The following CFP variants were observed in gnomAD, a reference collection of about 807,000 sequenced individuals.
CFP encodes the protein complement factor properdin, also known as properdin.
Under a neutral mutation model 42.1 loss-of-function variants are expected in CFP, and 14 were observed. The ratio of observed to expected loss-of-function variants is 0.33; its 90% confidence interval spans 0.22 to 0.52. CFP has a LOEUF of 0.52. Among genes scored for constraint, CFP ranks in the 20% least tolerant of loss-of-function variants. The pLI, the probability that CFP is intolerant of heterozygous loss-of-function variation, is 0.96. For missense variants in CFP, 318 were observed against 400.4 expected, an observed-to-expected ratio of 0.79 and a Z score of 1.76; for synonymous variants, 149 against 160.6, an observed-to-expected ratio of 0.93 and a Z score of 0.54.
At position 47,629,551 on chromosome X, in the gene CFP, C is replaced by T. The variant is rs370592348; in HGVS notation, c.200G>A (p.Arg67His). 1.8e-5 allele frequency: 20 copies of T among 1,115,797 alleles called. No homozygotes were observed. The highest frequency in any genetic ancestry group is 1.4e-4 in the Admixed American group (5 of 37,028). 92.0% of individuals were successfully genotyped at this position (1,115,797 alleles called of 1,213,427 possible). ...CLNTAFAYQKRSGGLCQPCRS... is the reference protein window; with the variant it reads ...CLNTAFAYQKHSGGLCQPCRS... ...GCAAGGCTGACAGAGCCCACCACTA[C>T]GTTTCTGGTAGGCAAAGGCAGTGTT... The change falls in exon 2 of 9, where the codon CGT (arginine) becomes CAT (histidine). Residue 67 changes from arginine (R) to histidine (H), a missense_variant. Coordinates refer to ENST00000396992, the MANE Select transcript of CFP (RefSeq NM_001145252.3).
chrX:47,628,040 C>T (rs2057976409), intron 3 of CFP, 62 bp downstream of exon 3: 17 of 1,164,523 alleles, frequency 1.5e-5, no homozygotes, highest in South Asian at 5.5e-5. Context: ...ACCTCTGTAC[C>T]GATCGTTCCC....
chrX:47,628,312 T>C (rs1222423756), intron 2 of CFP, 35 bp from the exon 3 acceptor site: 11 of 1,178,964 alleles, frequency 9.3e-6, no homozygotes, highest in South Asian at 1.8e-5. Flanking sequence ...CATCCTGGCA[T>C]GAGCTAACAA....
intron 8 of CFP, 154 bp from the exon 9 acceptor site, chrX:47,624,594 GC>G: frequency 2.3e-6 from 1 of 435,582 alleles, no homozygotes; most frequent in Non-Finnish European, 3.5e-6. Context: ...TCACTCTGTT[GC>G]CCAGGCTGCA....
At chrX:47,628,041 G>A (rs759401485) in intron 3 of CFP, 61 bp downstream of exon 3, 26 of 1,167,059 alleles carry the variant, frequency 2.2e-5, no homozygotes, top group African/African-American at 7.1e-5. Flanking sequence ...CCTCTGTACC[G>A]ATCGTTCCCA....
At chrX:47,629,486 T>TGCCGGG in intron 2 of CFP, 38 bp downstream of exon 2, 2 of 669,641 alleles carry the variant, frequency 3.0e-6, no homozygotes, top group Non-Finnish European at 4.7e-6. Flanking sequence ...AGACAGTCCT[T>TGCCGGG]CCCTCCCCCC....
rs750018657 is a variant in CFP, at chrX:47,626,438, G to A, written c.1022C>T (p.Pro341Leu). The A allele has an allele frequency of 8.3e-7, 1 of 1,211,558 alleles. No homozygotes were observed. The highest frequency in any genetic ancestry group is 1.1e-6 in the Non-Finnish European group (1 of 895,422). ...NMKSISCQEI[P>L]GQQSRGRTCR... ...GGTCCTCCCGCGTGACTGCTGGCCC[G>A]GGATTTCTTGACAGCTGATGGACTT... The change falls in exon 7 of 9, where the codon CCG (proline) becomes CTG (leucine). Residue 341 changes from proline to leucine, a missense_variant. Coordinates refer to ENST00000396992, the MANE Select transcript of CFP (RefSeq NM_001145252.3).
rs2057957813 is a variant in CFP at position 47,623,966 on chromosome X, G to A, written c.*309C>T. ...GCTCTGCAGAGGAACGTGCCGGGCG[G>A]CCCTGAGGCTCTAAGGGGGCTGCGC... On this transcript the variant is annotated 3_prime_UTR_variant, in exon 9 of 9. Transcript: ENST00000396992. The A allele has an allele frequency of 9.6e-6, 3 of 310,996 alleles. No individual in the cohort carries two copies. Among genetic ancestry groups the A allele is most frequent in the South Asian group, 4.5e-5 (1 of 22,398 alleles). 25.6% of individuals were successfully genotyped at this position (310,996 alleles called of 1,213,427 possible). A position where few individuals can be genotyped will look rare whatever the true frequency, so the allele number is the denominator to read the frequency against.
chrX:47,623,375 A>G lies in CFP; in HGVS notation c.*900T>C, dbSNP rs1350256032. On this transcript the variant is annotated 3_prime_UTR_variant, in exon 9 of 9. Coordinates refer to ENST00000396992, the MANE Select transcript of CFP (RefSeq NM_001145252.3). Reference sequence around the variant, plus strand: ...ATGTCCAGCACTATTGTTAGTATACAGTAGGCGTTAAGTGTTGAATAGATG... The same window carrying G: ...ATGTCCAGCACTATTGTTAGTATACGGTAGGCGTTAAGTGTTGAATAGATG... 8.9e-6 allele frequency: 1 copy of G among 112,214 alleles called. No homozygotes were observed. Among genetic ancestry groups the G allele is most frequent in the Non-Finnish European group, 1.9e-5 (1 of 53,243 alleles). The allele number at this position is 112,214 out of a possible 1,213,427, so 9.2% of individuals were successfully genotyped here.
intron 2 of CFP, chrX:47,628,828 G>A (rs1044233356): frequency 4.9e-6 from 1 of 205,174 alleles, no homozygotes; most frequent in East Asian, 1.2e-4. Context: ...GGGATATATA[G>A]TAAACAAGTA....
Position 47,624,381 on chromosome X carries a change from G to A in CFP, c.1304C>T (p.Pro435Leu), listed in dbSNP as rs751266279. Residue 435 changes from proline (P) to leucine (L), a missense_variant, in exon 9 of 9, where the codon CCG becomes CTG. Physicochemically the swap from Pro to Leu is moderately conservative, Grantham distance 98. Transcript: ENST00000396992. The part of the protein sequence containing the change: ...GEKNVTFWGR[P>L]LPRCEELQGQ... ...TTGTAGCTCCTCACACCGTGGCAGCGGTCTCCCCCAGAAGGTCACGTTCTT... is the reference window on the plus strand; with the variant it reads ...TTGTAGCTCCTCACACCGTGGCAGCAGTCTCCCCCAGAAGGTCACGTTCTT... 5 of 1,207,093 alleles carry A rather than the reference G, an allele frequency of 4.1e-6. No individual in the cohort carries two copies. Among genetic ancestry groups the A allele is most frequent in the Non-Finnish European group, 5.6e-6 (5 of 894,358 alleles).
At chrX:47,629,143 G>A (rs2057980731) in intron 2 of CFP, 2 of 201,157 alleles carry the variant, frequency 9.9e-6, no homozygotes, top group Non-Finnish European at 1.8e-5. Flanking sequence ...CTTCCAGTGT[G>A]CAGGAGGTGC....
chrX:47,629,783 G>A lies in CFP; in HGVS notation c.62C>T (p.Thr21Ile). The change falls in exon 1 of 9, where the codon ACC becomes ATC. Residue 21 changes from threonine (T) to isoleucine (I), a missense_variant. Thr to Ile is a moderately conservative substitution (Grantham distance 89). Coordinates refer to ENST00000396992, the MANE Select transcript of CFP (RefSeq NM_001145252.3). ...LLLPPLLLLL[T>I]LPATGSDPVL... ...CACCCCCTCACCTGTGGCTGGCAGGGTGAGCAGCAGGAGCAGCGGCGGCAG... is the reference window on the plus strand; with the variant it reads ...CACCCCCTCACCTGTGGCTGGCAGGATGAGCAGCAGGAGCAGCGGCGGCAG... The A allele has an allele frequency of 1.7e-6, 2 of 1,169,746 alleles. No individual in the cohort carries two copies. The highest frequency in any genetic ancestry group is 2.3e-6 in the Non-Finnish European group (2 of 874,022).
intron 2 of CFP, 38 bp downstream of exon 2, chrX:47,629,486 T>TCCCCCCCCCCCCCCCCCCCCCCCCC: frequency 1.5e-6 from 1 of 669,645 alleles, no homozygotes; most frequent in Non-Finnish European, 2.3e-6. Context: ...AGACAGTCCT[T>TCCCCCCCCCCCCCCCCCCCCCCCCC]CCCTCCCCCC....
chrX:47,629,490 T>TCCCCCCCCCCCCCCCC, intron 2 of CFP, 34 bp downstream of exon 2: 1 of 375,010 alleles, frequency 2.7e-6, no homozygotes, highest in Admixed American at 4.1e-5. Context: ...AGTCCTTCCC[T>TCCCCCCCCCCCCCCCC]CCCCCCCATC....
Position 47,627,244 on chromosome X carries a change from G to A in CFP, c.663C>T (p.Ser221=), listed in dbSNP as rs367635632. ...GGPHEPKETR[S]RKCSAPEPSQ... is the part of the protein sequence containing the mutation. ...AGGGCTCAGGTGCAGAACACTTGCG[G>A]CTTCGTGTCTCCTTAGGTTCGTGGG... Residue 221 remains serine (S), a synonymous_variant, in exon 5 of 9, where the codon AGC becomes AGT. Transcript: ENST00000396992. The A allele has an allele frequency of 2.0e-4, 246 of 1,210,065 alleles. No homozygotes were observed. In the Middle Eastern group the frequency reaches 6.7e-3, roughly 33 times the overall value.
At chrX:47,625,804 G>A (rs1375175506) in intron 8 of CFP, 2 of 421,451 alleles carry the variant, frequency 4.7e-6, no homozygotes, top group Non-Finnish European at 4.2e-6. Context: ...GAAGGTCGGA[G>A]TCAATGACAC....
At chrX:47,624,837 C>T (rs1391943544) in intron 8 of CFP, 4 of 129,235 alleles carry the variant, frequency 3.1e-5, no homozygotes, top group African/African-American at 1.3e-4. Flanking sequence ...TAATACTCAC[C>T]TCACGGGGTT....
intron 3 of CFP, among the ~76,000 whole-genome samples, 184 bp downstream of exon 3, chrX:47,627,918 A>G (rs776769942): frequency 8.1e-4 from 89 of 110,028 alleles, no homozygotes; most frequent in African/African-American, 2.7e-3. Flanking sequence ...TGAAAAGCCA[A>G]CGTCCTCTCT....
At chrX:47,624,744 A>G in intron 8 of CFP, 2 of 210,615 alleles carry the variant, frequency 9.5e-6, no homozygotes, top group Non-Finnish European at 1.7e-5. Flanking sequence ...CTTTTTAGCT[A>G]TAGGATATTG....
Sources: allele counts gnomAD v4.1 joint callset (sites outside exome capture counted in the v4.1 genomes callset), GRCh38; gene constraint gnomAD v4.1.1; transcripts MANE v1.5; gene names NCBI Gene and HGNC (gene_info 2026-07-23, HGNC 2026-07-21).